The following ZMIZ1 variants were observed in gnomAD, a reference collection of about 807,000 sequenced individuals.
ZMIZ1 encodes zinc finger MIZ-type containing 1, also known as zinc finger MIZ domain-containing protein 1.
Under a neutral mutation model 113.9 loss-of-function variants are expected in ZMIZ1, and 17 were observed. The ratio of observed to expected loss-of-function variants is 0.15; its 90% CI spans 0.10 to 0.22. The LOEUF (loss-of-function observed/expected upper bound fraction) is 0.22. Ranked by LOEUF, ZMIZ1 falls within the 10% of genes least tolerant of loss-of-function variation. ZMIZ1 has a pLI of 1.00. For missense variants in ZMIZ1, 1,059 were observed against 1,477.8 expected (o/e 0.72, Z 4.65); for synonymous variants, 607 against 603.1 (o/e 1.01, Z -0.09).
intron 1 of ZMIZ1, among the ~76,000 whole-genome samples, chr10:79,072,327 C>A (rs1266999634): frequency 6.6e-6 from 1 of 152,202 alleles, no homozygotes; most frequent in Non-Finnish European, 1.5e-5. Flanking sequence ...CATCCCTGGC[C>A]CCCATAGATA....
At chr10:79,172,741 G>A (rs1277183153) in intron 4 of ZMIZ1, among the ~76,000 whole-genome samples, 3 of 152,206 alleles carry the variant, frequency 2.0e-5, no homozygotes, top group African/African-American at 4.8e-5. Context: ...CACAAAAGAG[G>A]AGGAGGACAC....
At chr10:79,294,305 T>C (rs973635090) in intron 12 of ZMIZ1, 5 of 156,278 alleles carry the variant, frequency 3.2e-5, no homozygotes, top group African/African-American at 1.2e-4. Context: ...TTCTTAGCTC[T>C]TGTTTCCATC....
At chr10:79,135,980 G>A (rs1844991447) in intron 2 of ZMIZ1, among the ~76,000 whole-genome samples, 2 of 152,172 alleles carry the variant, frequency 1.3e-5, no homozygotes, top group African/African-American at 2.4e-5. Flanking sequence ...GGGAAGCTGG[G>A]AAGGCCGCTG....
At chr10:79,201,935 T>C (rs551560395) in intron 5 of ZMIZ1, among the ~76,000 whole-genome samples, 3 of 152,114 alleles carry the variant, frequency 2.0e-5, no homozygotes, top group South Asian at 2.1e-4. Flanking sequence ...GGGCCAGTGT[T>C]GTGGCCTCTC....
intron 1 of ZMIZ1, among the ~76,000 whole-genome samples, chr10:79,102,520 G>C (rs1031509546): frequency 2.0e-5 from 3 of 152,240 alleles, no homozygotes; most frequent in Non-Finnish European, 2.9e-5. Context: ...AGGAGCTGAG[G>C]GGGGACAGGA....
rs564532040 is a variant in ZMIZ1, at chr10:79,130,081, C to G, written c.-226-9601C>G. On this transcript the variant is annotated intron_variant, in intron 2 of 24. Coordinates refer to ENST00000334512, the MANE Select transcript of ZMIZ1 (RefSeq NM_020338.4). ...CCTTGACACCTCACTTTCCCTGACC[C>G]CCACATCCAACAGTTGATTAGGCCC... 3.3e-5 allele frequency among the ~76,000 whole-genome samples: 5 copies of G among 152,308 alleles called. No homozygotes were observed. In the South Asian group the frequency reaches 1.0e-3, roughly 32 times the overall value.
chr10:79,093,025 A>G (rs1843031417), intron 1 of ZMIZ1, among the ~76,000 whole-genome samples: 1 of 151,712 alleles, frequency 6.6e-6, no homozygotes, highest in Non-Finnish European at 1.5e-5. Flanking sequence ...TGGGGGTTCA[A>G]AGAGCAGTGG....
Position 79,305,539 on chromosome 10 carries a change from C to G in ZMIZ1, c.2361C>G (p.Thr787=). 1 of 1,613,990 alleles carries G rather than the reference C, an allele frequency of 6.2e-7. No homozygotes were observed. Among genetic ancestry groups the G allele is most frequent in the Non-Finnish European group, 8.5e-7 (1 of 1,179,986 alleles). ...GTWRCPVCNK[T]ALLEGLEVDQ... ...TCCCCATCTCCTTTTCCAGTAAAAC[C>G]GCTCTGCTGGAGGGCCTGGAGGTGG... is the stretch of plus-strand genomic sequence containing the variant. Residue 787 remains threonine (T), a synonymous_variant, in exon 21 of 25, where the codon ACC becomes ACG. Transcript: ENST00000334512.
chr10:79,178,361 C>A (rs747217933), intron 4 of ZMIZ1, among the ~76,000 whole-genome samples: 1 of 152,202 alleles, frequency 6.6e-6, no homozygotes, highest in Non-Finnish European at 1.5e-5. Flanking sequence ...AACAGAGTGC[C>A]TACTGTGTGT....
Position 79,088,636 on chromosome 10 carries a change from T to C in ZMIZ1, c.-337+19366T>C, listed in dbSNP as rs539013247. Among the ~76,000 whole-genome samples the C allele has an allele frequency of 5.9e-5, 9 of 152,112 alleles. 1 individual carries two copies. In the South Asian group the frequency reaches 1.9e-3, roughly 32 times the overall value. On this transcript the variant is annotated intron_variant, in intron 1 of 24. Coordinates refer to ENST00000334512, the MANE Select transcript of ZMIZ1 (RefSeq NM_020338.4). The stretch of plus-strand genomic sequence containing the variant: ...CTTTAAGCAGAGGCTGCAAGGAGGC[T>C]TAGGGGTCCCTGGGCCAGGACTACT...
chr10:79,275,023 C>T (rs1852185310), intron 7 of ZMIZ1, among the ~76,000 whole-genome samples: 4 of 152,358 alleles, frequency 2.6e-5, no homozygotes, highest in African/African-American at 9.6e-5. Flanking sequence ...TGGAGTGATC[C>T]CTCCGTCACT....
chr10:79,261,965 G>A (rs889839184), intron 7 of ZMIZ1, among the ~76,000 whole-genome samples: 3 of 152,176 alleles, frequency 2.0e-5, no homozygotes, highest in Non-Finnish European at 4.4e-5. Flanking sequence ...TGTCTCATAG[G>A]CCAGGGAGAG....
intron 4 of ZMIZ1, among the ~76,000 whole-genome samples, chr10:79,200,361 A>G (rs1414522861): frequency 6.6e-6 from 1 of 152,110 alleles, no homozygotes; most frequent in Non-Finnish European, 1.5e-5. Flanking sequence ...CTCTACCTAG[A>G]TCCCCGCCTT....
chr10:79,145,795 C>T (rs768662309), intron 3 of ZMIZ1, among the ~76,000 whole-genome samples: 67 of 152,178 alleles, frequency 4.4e-4, no homozygotes, highest in Non-Finnish European at 8.1e-4. Flanking sequence ...CAGCCTTGAC[C>T]TCCCAGGCTC....
At chr10:79,267,425 A>C (rs1290170434) in intron 7 of ZMIZ1, among the ~76,000 whole-genome samples, 1 of 152,224 alleles carries the variant, frequency 6.6e-6, no homozygotes, top group Non-Finnish European at 1.5e-5. Flanking sequence ...CTACAGCAAC[A>C]CTGCTAACAG....
chr10:79,175,689 C>T (rs578146216), intron 4 of ZMIZ1, among the ~76,000 whole-genome samples: 27 of 151,668 alleles, frequency 1.8e-4, no homozygotes, highest in Admixed American at 9.8e-4. Context: ...ACCCTTCACA[C>T]CACTCATCTC....
intron 7 of ZMIZ1, among the ~76,000 whole-genome samples, chr10:79,254,839 C>T (rs1850777942): frequency 6.6e-6 from 1 of 152,224 alleles, no homozygotes; most frequent in South Asian, 2.1e-4. Context: ...AACCAAACAC[C>T]TGATACCTTT....
At position 79,108,436 on chromosome 10, in the gene ZMIZ1, A is replaced by G. The variant is rs572104058; in HGVS notation, c.-336-10479A>G. ...CCCATACCTAGGTCCTAGGGTGCCA[A>G]TTGCTGGGAGAAGCTTTCAGCACTG... On this transcript the variant is annotated intron_variant, in intron 1 of 24. Transcript: ENST00000334512. Among the ~76,000 whole-genome samples the G allele has an allele frequency of 5.9e-5, 9 of 152,244 alleles. No homozygotes were observed. The South Asian group carries it at 1.7e-3, about 28-fold the overall frequency.
Position 79,297,697 on chromosome 10 carries a change from TC to T in ZMIZ1, c.1491+9del. ...CCAAGGGAATGTCAACAGGGTATGT[TC>T]CAATTTAATTTACAAATTCTAAGCC... On this transcript the variant is annotated splice_region_variant and intron_variant, in intron 14 of 24. Coordinates refer to ENST00000334512, the MANE Select transcript of ZMIZ1 (RefSeq NM_020338.4). The T allele has an allele frequency of 6.2e-7, 1 of 1,612,940 alleles. No individual in the cohort carries two copies. Among genetic ancestry groups the T allele is most frequent in the South Asian group, 1.1e-5 (1 of 91,062 alleles).
Sources: gnomAD v4.1 joint callset for allele counts (sites outside exome capture counted in the v4.1 genomes callset) on GRCh38, gnomAD v4.1.1 for gene constraint, MANE v1.5 for transcripts, NCBI Gene and HGNC (gene_info 2026-07-23, HGNC 2026-07-21) for gene names.